TMEM132A: variants seen among roughly 807,000 people sequenced by gnomAD.
The protein encoded by TMEM132A is transmembrane protein 132A, also known as GRP78-binding protein.
A neutral mutation model predicts 69.9 loss-of-function variants in TMEM132A; 48 were observed. The observed-to-expected ratio is 0.69, with a 90% CI of 0.55 to 0.87. The LOEUF (loss-of-function observed/expected upper bound fraction) is 0.87, where lower values mean the gene tolerates loss of function less well. Ranked by LOEUF, TMEM132A falls within the 40% of genes least tolerant of loss-of-function variation. The probability of loss-of-function intolerance (pLI) is 0.00; values close to 1 mark genes in which losing one functional copy is unlikely to be tolerated. For missense variants in TMEM132A, 1,287 were observed against 1,407.2 expected (o/e 0.91, Z 1.37); for synonymous variants, 577 against 613.7 (o/e 0.94, Z 0.88).
In TMEM132A at chr11:60,927,303, A is replaced by T; in HGVS notation, c.200A>T (p.Tyr67Phe). ...TTCCGTGTGCAGCAGGTGGGCCACT[A>T]CCCACCTGCCAACTCCTCTCTGAGC... is the stretch of plus-strand genomic sequence containing the variant. Reference protein sequence around the residue: ...EHFRVQQVGHYPPANSSLSSR... With the variant: ...EHFRVQQVGHFPPANSSLSSR... Residue 67 changes from tyrosine (Y) to phenylalanine (F), a missense_variant, in exon 2 of 11, where the codon TAC becomes TTC. By Grantham distance (22) the Tyr-to-Phe change is conservative. Coordinates refer to ENST00000453848, the MANE Select transcript of TMEM132A (RefSeq NM_178031.3). The T allele has an allele frequency of 6.2e-7, 1 of 1,612,872 alleles. No individual in the cohort carries two copies. The highest frequency in any genetic ancestry group is 1.1e-5 in the South Asian group (1 of 91,054).
At position 60,930,628 on chromosome 11, in the gene TMEM132A, C is replaced by T; in HGVS notation, c.985C>T (p.His329Tyr). Reference sequence around the variant, plus strand: ...GCACCACACCACCCTCATCACCTGCCACCGTGCTGGGCTCACAGAGCCAGA... The same window carrying T: ...GCACCACACCACCCTCATCACCTGCTACCGTGCTGGGCTCACAGAGCCAGA... ...SRHHTTLITCHRAGLTEPDSS... is the reference protein window; with the variant it reads ...SRHHTTLITCYRAGLTEPDSS... Residue 329 changes from histidine to tyrosine, a missense_variant, in exon 5 of 11, where the codon CAC (histidine) becomes TAC (tyrosine). Coordinates refer to ENST00000453848, the MANE Select transcript of TMEM132A (RefSeq NM_178031.3). The T allele has an allele frequency of 6.2e-7, 1 of 1,613,212 alleles. No individual in the cohort carries two copies. The highest frequency in any genetic ancestry group is 1.1e-5 in the South Asian group (1 of 90,962).
In TMEM132A at chr11:60,932,094, C is replaced by T. The variant is rs1856495248; in HGVS notation, c.1323C>T (p.Val441=). ...CCTTGGTGGAGGTGACAGAGCATGT[C>T]GGCTGCGAGTCTGCCAACACACAGG... The part of the protein sequence containing the change: ...GGALVEVTEH[V]GCESANTQVL... The change falls in exon 7 of 11, where the codon GTC becomes GTT. Residue 441 remains valine, a synonymous_variant. Coordinates refer to ENST00000453848, the MANE Select transcript of TMEM132A (RefSeq NM_178031.3). 5.1e-6 allele frequency: 8 copies of T among 1,558,542 alleles called. No homozygotes were observed. The highest frequency in any genetic ancestry group is 2.5e-5 in the South Asian group (2 of 80,504).
rs1451014381 is a variant in TMEM132A, at chr11:60,933,689, A to T, written c.1504A>T (p.Thr502Ser). 6.2e-7 allele frequency: 1 copy of T among 1,603,376 alleles called. No homozygotes were observed. Among genetic ancestry groups the T allele is most frequent in the African/African-American group, 1.3e-5 (1 of 74,862 alleles). ...APLLPLRIEL[T>S]DTTLEQVRGW... ...CCTGCTACCGCTGCGTATCGAGCTC[A>T]CCGACACCACCCTCGAGCAGGTCCG... The change falls in exon 8 of 11, where the codon ACC becomes TCC. Residue 502 changes from threonine to serine, a missense_variant. By Grantham distance (58) the Thr-to-Ser change is moderately conservative (BLOSUM62 1). Transcript: ENST00000453848.
At position 60,927,760 on chromosome 11, in the gene TMEM132A, C is replaced by T. The variant is rs1856380547; in HGVS notation, c.435C>T (p.Leu145=). The T allele has an allele frequency of 1.2e-6, 2 of 1,613,364 alleles. No individual in the cohort carries two copies. The highest frequency in any genetic ancestry group is 4.5e-5 in the East Asian group (2 of 44,884). The change falls in exon 3 of 11, where the codon CTC becomes CTT. Residue 145 remains leucine (L), a synonymous_variant. Coordinates refer to ENST00000453848, the MANE Select transcript of TMEM132A (RefSeq NM_178031.3). ...AEPYARVLFH[L]KGQDWPPGSG... ...CCTACGCCCGGGTTCTCTTCCACCTCAAAGGGCAGGATTGGCCACCAGGGT... is the reference window on the plus strand; with the variant it reads ...CCTACGCCCGGGTTCTCTTCCACCTTAAAGGGCAGGATTGGCCACCAGGGT...
chr11:60,931,585 G>A, intron 5 of TMEM132A, 104 bp from the exon 6 acceptor site: 2 of 1,207,758 alleles, frequency 1.7e-6, no homozygotes, highest in Non-Finnish European at 2.4e-6. Context: ...CTGTGCCTCA[G>A]TTTCCTCCTG....
rs1856579952 is a variant in TMEM132A at position 60,935,772 on chromosome 11, C to A, written c.2029-92C>A. ...TGTGTCTCTGTTTTCTCTCTGGTCTCTCCTCCATGTGGCCTATCTCTGTGG... is the reference window on the plus strand; with the variant it reads ...TGTGTCTCTGTTTTCTCTCTGGTCTATCCTCCATGTGGCCTATCTCTGTGG... On this transcript the variant is annotated intron_variant, in intron 10 of 10. Transcript: ENST00000453848. This position sits in a 1 kb window ranked among gnomAD's most constrained non-coding sequence, Gnocchi z 5.0. The A allele has an allele frequency of 1.4e-6, 2 of 1,426,498 alleles. No homozygotes were observed. Among genetic ancestry groups the A allele is most frequent in the Admixed American group, 2.0e-5 (1 of 50,412 alleles). The allele number at this position is 1,426,498 out of a possible 1,614,324, so 88.4% of individuals were successfully genotyped here.
chr11:60,931,801 G>A lies in TMEM132A; in HGVS notation c.1129G>A (p.Ala377Thr), dbSNP rs1856485742. ...VTWQLEYPGQAPEAEKDKMVW... is the reference protein window; with the variant it reads ...VTWQLEYPGQTPEAEKDKMVW... ...GTGGCAGCTGGAGTACCCAGGCCAG[G>A]CCCCTGAAGCAGAGAAGGACAAAAT... The change falls in exon 6 of 11, where the codon GCC becomes ACC. Residue 377 changes from alanine to threonine, a missense_variant. By Grantham distance (58) the Ala-to-Thr change is moderately conservative. Transcript: ENST00000453848. The A allele has an allele frequency of 3.1e-6, 5 of 1,614,214 alleles. No homozygotes were observed. In the East Asian group the frequency reaches 1.1e-4, roughly 36 times the overall value.
Position 60,937,097 on chromosome 11 carries a change from C to T in TMEM132A, c.*190C>T. On this transcript the variant is annotated 3_prime_UTR_variant, in exon 11 of 11. Transcript: ENST00000453848. ...CATGGACCATGGTCGTGAGGAAGGGCTCATGCCCCTTATTTATGGGAACCA... is the reference window on the plus strand; with the variant it reads ...CATGGACCATGGTCGTGAGGAAGGGTTCATGCCCCTTATTTATGGGAACCA... 7.0e-7 allele frequency: 1 copy of T among 1,429,494 alleles called. No individual in the cohort carries two copies. Among genetic ancestry groups the T allele is most frequent in the Non-Finnish European group, 9.4e-7 (1 of 1,069,470 alleles). The allele number at this position is 1,429,494 out of a possible 1,614,324, so 88.6% of individuals were successfully genotyped here.
intron 1 of TMEM132A, 132 bp downstream of exon 1, chr11:60,924,865 A>T (rs900337793): frequency 7.9e-5 from 51 of 642,548 alleles, no homozygotes; most frequent in Non-Finnish European, 1.3e-4. Flanking sequence ...AGCGCCCTGA[A>T]GGTCGGAGAG....
Position 60,935,109 on chromosome 11 carries a change from C to T in TMEM132A, c.1837-143C>T, listed in dbSNP as rs1856560651. The T allele has an allele frequency of 4.5e-5, 34 of 763,046 alleles. No homozygotes were observed. In the South Asian group the frequency reaches 6.2e-4, roughly 14 times the overall value. 47.3% of individuals were successfully genotyped at this position (763,046 alleles called of 1,614,324 possible). A position where few individuals can be genotyped will look rare whatever the true frequency, so the allele number is the denominator to read the frequency against. ...TGAGCCTGCTGGGAGTACCCGGTTC[C>T]CTCTGGGTGGGGGCTGTCCGTGGCG... On this transcript the variant is annotated intron_variant, in intron 9 of 10. Transcript: ENST00000453848. This position sits in a 1 kb window ranked among gnomAD's most constrained non-coding sequence, Gnocchi z 5.0.
chr11:60,931,629 G>A lies in TMEM132A; in HGVS notation c.1017-60G>A, dbSNP rs185466894. The A allele has an allele frequency of 1.8e-3, 2,665 of 1,518,058 alleles. 3 individuals are homozygous for A. Among genetic ancestry groups the A allele is most frequent in the Non-Finnish European group, 2.1e-3 (2,379 of 1,114,112 alleles). 94.0% of individuals were successfully genotyped at this position (1,518,058 alleles called of 1,614,324 possible). A position where few individuals can be genotyped will look rare whatever the true frequency, so the allele number is the denominator to read the frequency against. On this transcript the variant is annotated intron_variant, in intron 5 of 10. Transcript: ENST00000453848. ...GGGGATAATCATGAATGCAGGAAGT[G>A]CTGAGGCCATGCCTGGCAGCTAGCA...
At chr11:60,930,822 C>A (rs1011125465) in intron 5 of TMEM132A, among the ~76,000 whole-genome samples, 163 bp downstream of exon 5, 7 of 152,214 alleles carry the variant, frequency 4.6e-5, no homozygotes, top group African/African-American at 1.7e-4. Context: ...TAATCCATTC[C>A]TTCATTCATT....
rs1450891498 is a variant in TMEM132A, at chr11:60,935,552, A to G, written c.2028+109A>G. On this transcript the variant is annotated intron_variant, in intron 10 of 10. Coordinates refer to ENST00000453848, the MANE Select transcript of TMEM132A (RefSeq NM_178031.3). The surrounding 1 kb of genome is among the most constrained non-coding windows in gnomAD (Gnocchi z 5.0). ...GGTACCTCGACCCCTTAGGGTTTTC[A>G]GAGTGAGGACTGACTCTGTGAGGTA... The G allele has an allele frequency of 1.5e-5, 18 of 1,199,954 alleles. No homozygotes were observed. The highest frequency in any genetic ancestry group is 2.1e-5 in the Non-Finnish European group (18 of 858,650). 74.3% of individuals were successfully genotyped at this position (1,199,954 alleles called of 1,614,324 possible). A position where few individuals can be genotyped will look rare whatever the true frequency, so the allele number is the denominator to read the frequency against.
Position 60,928,746 on chromosome 11 carries a change from G to T in TMEM132A, c.652G>T (p.Gly218Cys). Residue 218 changes from glycine (G) to cysteine (C), a missense_variant, in exon 4 of 11, where the codon GGC becomes TGC. Physicochemically the swap from Gly to Cys is radical, Grantham distance 159. Coordinates refer to ENST00000453848, the MANE Select transcript of TMEM132A (RefSeq NM_178031.3). ...TLEPAAEGPG[G>C]CGSGEENDPG... ...TGAGCCTGCAGCTGAGGGCCCTGGG[G>T]GCTGTGGCTCCGGCGAGGAGAACGA... 1 of 1,609,460 alleles carries T rather than the reference G, an allele frequency of 6.2e-7. No individual in the cohort carries two copies. Among genetic ancestry groups the T allele is most frequent in the Non-Finnish European group, 8.5e-7 (1 of 1,178,556 alleles).
rs575123 is a variant in TMEM132A, at chr11:60,927,829, C to A, written c.504C>A (p.Ala168=). 1,088,814 of 1,610,954 alleles carry A rather than the reference C, an allele frequency of 0.68. 373,228 individuals carry two copies. The highest frequency in any genetic ancestry group is 0.97 in the East Asian group (43,585 of 44,872). Residue 168 remains alanine, a synonymous_variant, in exon 3 of 11, where the codon GCC becomes GCA. Transcript: ENST00000453848. ...PCARLHATHP[A]GTAHQACRFQ... is the part of the protein sequence containing the mutation. ...CCCGGCTCCATGCCACACACCCTGCCGGCACTGCTCACCAAGCCTGCCGCT... is the reference window on the plus strand; with the variant it reads ...CCCGGCTCCATGCCACACACCCTGCAGGCACTGCTCACCAAGCCTGCCGCT...
In TMEM132A at chr11:60,936,236, G is replaced by T; in HGVS notation, c.2401G>T (p.Val801Phe). 2 of 1,614,128 alleles carry T rather than the reference G, an allele frequency of 1.2e-6. No homozygotes were observed. Among genetic ancestry groups the T allele is most frequent in the Non-Finnish European group, 8.5e-7 (1 of 1,179,994 alleles). Residue 801 changes from valine to phenylalanine, a missense_variant, in exon 11 of 11, where the codon GTC becomes TTC. Transcript: ENST00000453848. ...TGGTAAACGGCAGGTGGCAGGCAGT[G>T]TCGGGGGCAACACAGGTGTGAGGGG... ...MGGKRQVAGS[V>F]GGNTGVRGKF...
rs187874887 is a variant in TMEM132A, at chr11:60,935,821, G to A, written c.2029-43G>A. ...GGGAGTGGTTTCTCTGTGCATGCGTGCGTGCCCTCGCATGTCTCTGCCTGT... is the reference window on the plus strand; with the variant it reads ...GGGAGTGGTTTCTCTGTGCATGCGTACGTGCCCTCGCATGTCTCTGCCTGT... On this transcript the variant is annotated intron_variant, in intron 10 of 10. Transcript: ENST00000453848. This position sits in a 1 kb window ranked among gnomAD's most constrained non-coding sequence, Gnocchi z 5.0. 1.4e-4 allele frequency: 219 copies of A among 1,600,324 alleles called. No homozygotes were observed. The African/African-American group carries it at 2.6e-3, about 19-fold the overall frequency.
chr11:60,927,447 G>A (rs1856371240), intron 2 of TMEM132A, 29 bp downstream of exon 2: 5 of 1,589,754 alleles, frequency 3.1e-6, no homozygotes, highest in Non-Finnish European at 4.3e-6. Flanking sequence ...GGACTCTCAG[G>A]CTAACAGGAC....
In TMEM132A at chr11:60,924,680, C is replaced by T. The variant is rs1856311231; in HGVS notation, c.47C>T (p.Pro16Leu). Residue 16 changes from proline to leucine, a missense_variant, in exon 1 of 11, where the codon CCC becomes CTC. Coordinates refer to ENST00000453848, the MANE Select transcript of TMEM132A (RefSeq NM_178031.3). Reference protein sequence around the residue: ...AGRTTAAPRGPYGPWLCLLVA... With the variant: ...AGRTTAAPRGLYGPWLCLLVA... ...CGCACAACAGCGGCCCCTCGGGGGC[C>T]CTACGGCCCCTGGCTCTGCCTCCTG... The T allele has an allele frequency of 6.3e-7, 1 of 1,592,776 alleles. No individual in the cohort carries two copies. Among genetic ancestry groups the T allele is most frequent in the East Asian group, 2.3e-5 (1 of 44,154 alleles).
Sources: gnomAD v4.1 joint callset for allele counts (sites outside exome capture counted in the v4.1 genomes callset) on GRCh38, gnomAD v4.1.1 for gene constraint, Gnocchi (gnomAD v3.1) non-coding constraint, MANE v1.5 for transcripts, NCBI Gene and HGNC (gene_info 2026-07-23, HGNC 2026-07-21) for gene names.